The following BAG3 variants were observed in gnomAD, a reference collection of about 807,000 sequenced individuals.
BAG3 encodes the protein BAG cochaperone 3.
Under a neutral mutation model 40.5 loss-of-function variants are expected in BAG3, and 14 were observed. That is an observed-to-expected ratio of 0.35 (90% confidence interval 0.23 to 0.54). The LOEUF (loss-of-function observed/expected upper bound fraction) is 0.54. Among genes scored for constraint, BAG3 ranks in the 20% least tolerant of loss-of-function variants. BAG3 has a pLI of 0.91. For synonymous variants in BAG3, 302 were observed against 307.8 expected, an observed-to-expected ratio of 0.98 and a Z score of 0.20; for missense variants, 788 against 758.6, an observed-to-expected ratio of 1.04 and a Z score of -0.46.
intron 1 of BAG3, among the ~76,000 whole-genome samples, chr10:119,661,309 A>T (rs1056033163): frequency 6.7e-6 from 1 of 148,214 alleles, no homozygotes; most frequent in East Asian, 1.9e-4. Context: ...TTTAGGGCAC[A>T]GAGCAGCTCA....
At position 119,651,744 on chromosome 10, in the gene BAG3, C is replaced by A; in HGVS notation, c.69C>A (p.Pro23=). The part of the protein sequence containing the change: ...ASGNGDRDPL[P]PGWEIKIDPQ... ...GCAACGGTGACCGCGACCCTTTGCC[C>A]CCCGGATGGGAGATCAAGATCGACC... is the stretch of plus-strand genomic sequence containing the variant. Residue 23 remains proline (P), a synonymous_variant, in exon 1 of 4, where the codon CCC becomes CCA. Coordinates refer to ENST00000369085, the MANE Select transcript of BAG3 (RefSeq NM_004281.4). 1 of 1,599,644 alleles carries A rather than the reference C, an allele frequency of 6.3e-7. No individual in the cohort carries two copies. Among genetic ancestry groups the A allele is most frequent in the African/African-American group, 1.4e-5 (1 of 73,740 alleles).
At chr10:119,670,405 T>C (rs1847133730) in intron 2 of BAG3, among the ~76,000 whole-genome samples, 3 of 152,214 alleles carry the variant, frequency 2.0e-5, no homozygotes, top group East Asian at 1.9e-4. Flanking sequence ...GCAGGAATCA[T>C]GTGGCTTCTT....
At chr10:119,665,145 T>TTTTTTTTTCC (rs1847046698) in intron 1 of BAG3, among the ~76,000 whole-genome samples, 1 of 91,092 alleles carries the variant, frequency 1.1e-5, no homozygotes, top group African/African-American at 4.8e-5. Flanking sequence ...TATATATATA[T>TTTTTTTTTCC]TTTTTTTTTT....
intron 1 of BAG3, among the ~76,000 whole-genome samples, chr10:119,655,470 T>C (rs993290374): frequency 1.3e-5 from 2 of 152,226 alleles, no homozygotes; most frequent in Non-Finnish European, 2.9e-5. Context: ...TTTCGAGTTA[T>C]GATTGAAGTA....
At chr10:119,662,314 C>T (rs528184629) in intron 1 of BAG3, among the ~76,000 whole-genome samples, 260 of 151,130 alleles carry the variant, frequency 1.7e-3, no homozygotes, top group Non-Finnish European at 2.9e-3. Flanking sequence ...AGTGATCCGC[C>T]CGCCTCGGCC....
rs372220919 is a variant in BAG3, at chr10:119,674,734, C to T, written c.910-1730C>T. Among the ~76,000 whole-genome samples the T allele has an allele frequency of 2.9e-4, 44 of 152,036 alleles. 1 individual carries two copies. In the South Asian group the frequency reaches 5.2e-3, roughly 18 times the overall value. On this transcript the variant is annotated intron_variant, in intron 3 of 3. Transcript: ENST00000369085. ...CTGTAATCCTAGCACTTTGGGAGGC[C>T]GAGGCGGGGGTATCACTTAAGGTCA...
At chr10:119,671,267 C>G (rs1186546262) in intron 2 of BAG3, among the ~76,000 whole-genome samples, 1 of 152,156 alleles carries the variant, frequency 6.6e-6, no homozygotes, top group Non-Finnish European at 1.5e-5. Flanking sequence ...GAGATCGCAC[C>G]ACTGCACTCC....
chr10:119,664,694 G>C (rs889173313), intron 1 of BAG3, among the ~76,000 whole-genome samples: 4 of 152,194 alleles, frequency 2.6e-5, no homozygotes, highest in African/African-American at 9.6e-5. Context: ...AGCCTTATCT[G>C]AGAGATGCTG....
rs1337912162 is a variant in BAG3 at position 119,676,856 on chromosome 10, G to A, written c.1302G>A (p.Gly434=). The A allele has an allele frequency of 6.2e-7, 1 of 1,614,190 alleles. No homozygotes were observed. The highest frequency in any genetic ancestry group is 1.7e-5 in the Admixed American group (1 of 60,026). The change falls in exon 4 of 4, where the codon GGG becomes GGA. Residue 434 remains glycine (G), a synonymous_variant. Transcript: ENST00000369085. ...AAGCCATCCTGGAGAAGGTACAGGG[G>A]CTGGAGCAGGCTGTAGACAACTTTG... is the stretch of plus-strand genomic sequence containing the variant. ...KVEAILEKVQ[G]LEQAVDNFEG...
intron 1 of BAG3, among the ~76,000 whole-genome samples, chr10:119,666,458 C>T (rs1847068539): frequency 6.6e-6 from 1 of 152,272 alleles, no homozygotes; most frequent in Non-Finnish European, 1.5e-5. Context: ...TCTCTGCTGT[C>T]ACAGTCTTGT....
At chr10:119,665,142 A>T (rs371420944) in intron 1 of BAG3, among the ~76,000 whole-genome samples, 26,325 of 85,588 alleles carry the variant, frequency 0.31, 4,890 homozygotes, top group Non-Finnish European at 0.36. Flanking sequence ...ATATATATAT[A>T]TATTTTTTTT....
At position 119,651,572 on chromosome 10, in the gene BAG3, ACGT is replaced by A. The variant is rs1846839326; in HGVS notation, c.-101_-99del. ...GGTGCCCGGCGCCGGCTTCCCGGACACGTCGGCGGCGGAGAGGGGCCCACGGCG... is the reference window on the plus strand; with the variant it reads ...GGTGCCCGGCGCCGGCTTCCCGGACACGGCGGCGGAGAGGGGCCCACGGCG... On this transcript the variant is annotated 5_prime_UTR_variant, in exon 1 of 4. Coordinates refer to ENST00000369085, the MANE Select transcript of BAG3 (RefSeq NM_004281.4). 5 of 1,127,018 alleles carry A rather than the reference ACGT, an allele frequency of 4.4e-6. No homozygotes were observed. Among genetic ancestry groups the A allele is most frequent in the Non-Finnish European group, 5.8e-6 (5 of 862,840 alleles). The allele number at this position is 1,127,018 out of a possible 1,614,324, so 69.8% of individuals were successfully genotyped here. A position where few individuals can be genotyped will look rare whatever the true frequency, so the allele number is the denominator to read the frequency against.
intron 1 of BAG3, among the ~76,000 whole-genome samples, chr10:119,659,929 T>C (rs888527456): frequency 6.6e-5 from 10 of 152,248 alleles, no homozygotes; most frequent in South Asian, 2.1e-4. Flanking sequence ...CTTTTTTTTT[T>C]CCCCTGAAGA....
chr10:119,653,708 C>T (rs996245187), intron 1 of BAG3, among the ~76,000 whole-genome samples: 1 of 152,172 alleles, frequency 6.6e-6, no homozygotes, highest in African/African-American at 2.4e-5. Context: ...TTGAAGATCT[C>T]TTATGTTAGG....
At chr10:119,653,728 T>A (rs1173549015) in intron 1 of BAG3, among the ~76,000 whole-genome samples, 1 of 152,194 alleles carries the variant, frequency 6.6e-6, no homozygotes, top group Non-Finnish European at 1.5e-5. Context: ...GCTTCTTTAT[T>A]TTCTGAAACC....
chr10:119,670,122 G>A lies in BAG3; in HGVS notation c.452G>A (p.Cys151Tyr), dbSNP rs770678896. The change falls in exon 2 of 4, where the codon TGT becomes TAT. Residue 151 changes from cysteine to tyrosine, a missense_variant. Physicochemically the swap from Cys to Tyr is radical, Grantham distance 194. Coordinates refer to ENST00000369085, the MANE Select transcript of BAG3 (RefSeq NM_004281.4). The part of the protein sequence containing the change: ...MPETTQPDKQ[C>Y]GQVAAAAAAQ... ...GAAACCACTCAGCCAGATAAACAGT[G>A]TGGACAGGTGGCAGCGGCGGCGGCA... 2.3e-5 allele frequency: 37 copies of A among 1,613,026 alleles called. No homozygotes were observed. The highest frequency in any genetic ancestry group is 3.0e-5 in the Non-Finnish European group (35 of 1,179,352).
At chr10:119,667,183 G>A (rs1209902175) in intron 1 of BAG3, among the ~76,000 whole-genome samples, 1 of 152,100 alleles carries the variant, frequency 6.6e-6, no homozygotes, top group East Asian at 1.9e-4. Flanking sequence ...CACCATGTTG[G>A]TTAGGCTGGT....
At chr10:119,670,252 G>C in intron 2 of BAG3, 75 bp downstream of exon 2, 1 of 1,469,614 alleles carries the variant, frequency 6.8e-7, no homozygotes, top group Non-Finnish European at 9.0e-7. Flanking sequence ...CATCCCCTCA[G>C]GACAGTGCCC....
rs139232658 is a variant in BAG3, at chr10:119,669,842, T to A, written c.181-9T>A. ...TAACCAGCCTGTGTTTCTCCACTTTTTATTTCAGGAGACTCCATCCTCTGC... is the reference window on the plus strand; with the variant it reads ...TAACCAGCCTGTGTTTCTCCACTTTATATTTCAGGAGACTCCATCCTCTGC... On this transcript the variant is annotated splice_polypyrimidine_tract_variant and intron_variant, in intron 1 of 3. Coordinates refer to ENST00000369085, the MANE Select transcript of BAG3 (RefSeq NM_004281.4). 6.1e-4 allele frequency: 984 copies of A among 1,613,874 alleles called. 2 individuals are homozygous for A. The African/African-American group carries it at 0.01, about 17-fold the overall frequency.
Sources: gnomAD v4.1 joint callset for allele counts (sites outside exome capture counted in the v4.1 genomes callset) on GRCh38, gnomAD v4.1.1 for gene constraint, MANE v1.5 for transcripts, NCBI Gene and HGNC (gene_info 2026-07-23, HGNC 2026-07-21) for gene names.